RRM2B: variants seen among roughly 807,000 people sequenced by gnomAD.
The protein encoded by RRM2B is ribonucleoside-diphosphate reductase subunit M2 B.
RRM2B carries 20 observed loss-of-function variants against 45.9 expected under a neutral mutation model. That is an observed-to-expected ratio of 0.44 (90% CI 0.31 to 0.63). RRM2B has a LOEUF of 0.63. Ranked by LOEUF, RRM2B falls within the 30% of genes least tolerant of loss-of-function variation. The pLI, the probability that RRM2B is intolerant of heterozygous loss-of-function variation, is 0.09. For synonymous variants in RRM2B, 124 were observed against 132.3 expected (o/e 0.94, Z 0.43); for missense variants, 320 against 414.7 (o/e 0.77, Z 1.98).
chr8:102,214,633 G>A (rs1810694341), intron 6 of RRM2B, among the ~76,000 whole-genome samples: 1 of 149,262 alleles, frequency 6.7e-6, no homozygotes, highest in African/African-American at 2.5e-5. Flanking sequence ...AATGGAAACT[G>A]AGGTGGGGCT....
In RRM2B at chr8:102,214,126, G is replaced by A. The variant is rs1233430077; in HGVS notation, c.717C>T (p.Phe239=). 2 of 1,613,466 alleles carry A rather than the reference G, an allele frequency of 1.2e-6. No individual in the cohort carries two copies. Among genetic ancestry groups the A allele is most frequent in the Admixed American group, 3.3e-5 (2 of 59,990 alleles). Residue 239 remains phenylalanine, a synonymous_variant, in exon 7 of 9, where the codon TTC becomes TTT. Coordinates refer to ENST00000251810, the MANE Select transcript of RRM2B (RefSeq NM_015713.5). ...CTGAAGGCTTATTTACTAAGTATTGGAACATCAGGCAAGCAAAGTCACAGT... is the reference window on the plus strand; with the variant it reads ...CTGAAGGCTTATTTACTAAGTATTGAAACATCAGGCAAGCAAAGTCACAGT... ...GLHCDFACLM[F]QYLVNKPSEE...
chr8:102,233,434 AT>A (rs1039780065), intron 1 of RRM2B, among the ~76,000 whole-genome samples: 12 of 152,278 alleles, frequency 7.9e-5, no homozygotes, highest in Non-Finnish European at 1.8e-4. Context: ...AGAGGAACCA[AT>A]TTTTATTTGT....
In RRM2B at chr8:102,208,067, A is replaced by T; in HGVS notation, c.*66T>A. 1 of 1,414,890 alleles carries T rather than the reference A, an allele frequency of 7.1e-7. No individual in the cohort carries two copies. The highest frequency in any genetic ancestry group is 9.9e-7 in the Non-Finnish European group (1 of 1,013,872). 87.6% of individuals were successfully genotyped at this position (1,414,890 alleles called of 1,614,324 possible). A position where few individuals can be genotyped will look rare whatever the true frequency, so the allele number is the denominator to read the frequency against. ...AAAGGATATACTTAAAATTTTTTTT[A>T]AGCAGAGGAAAATAGACTACTATTT... On this transcript the variant is annotated 3_prime_UTR_variant, in exon 9 of 9. Coordinates refer to ENST00000251810, the MANE Select transcript of RRM2B (RefSeq NM_015713.5).
At chr8:102,215,484 C>G (rs2132546453) in intron 6 of RRM2B, among the ~76,000 whole-genome samples, 1 of 151,762 alleles carries the variant, frequency 6.6e-6, no homozygotes, top group Admixed American at 6.6e-5. Flanking sequence ...TGACAGGTAA[C>G]TTATTACAGA....
At chr8:102,238,708 C>T (rs1418134287) in intron 1 of RRM2B, 119 bp downstream of exon 1, 3 of 1,568,934 alleles carry the variant, frequency 1.9e-6, no homozygotes, top group African/African-American at 1.3e-5. Context: ...GCGGCGAGGG[C>T]GGGCGGACAG....
intron 2 of RRM2B, among the ~76,000 whole-genome samples, chr8:102,228,283 C>G (rs908035876): frequency 2.0e-5 from 3 of 152,198 alleles, no homozygotes; most frequent in African/African-American, 7.2e-5. Flanking sequence ...GACGGCCAGA[C>G]AGACTCCAGG....
intron 2 of RRM2B, among the ~76,000 whole-genome samples, chr8:102,227,157 G>GT (rs547243243): frequency 1.2e-4 from 18 of 149,198 alleles, no homozygotes; most frequent in African/African-American, 2.2e-4. Flanking sequence ...CAACAACCCA[G>GT]TTTTTTTTTT....
In RRM2B at chr8:102,208,285, C is replaced by T; in HGVS notation, c.904G>A (p.Val302Ile). Residue 302 changes from valine (V) to isoleucine (I), a missense_variant and splice_region_variant, in exon 9 of 9, where the codon GTT (valine) becomes ATT (isoleucine). Val to Ile is a conservative substitution (Grantham distance 29). Coordinates refer to ENST00000251810, the MANE Select transcript of RRM2B (RefSeq NM_015713.5). ...TCAAAAGGATTTTCTGCCTGAAAAA[C>T]CTAAAAAGGAAAGAAATATTATTAG... The part of the protein sequence containing the change: ...RLLVELGFSK[V>I]FQAENPFDFM... The T allele has an allele frequency of 6.5e-7, 1 of 1,539,758 alleles. No individual in the cohort carries two copies. The highest frequency in any genetic ancestry group is 9.0e-7 in the Non-Finnish European group (1 of 1,113,572).
At chr8:102,215,247 T>C (rs893571010) in intron 6 of RRM2B, among the ~76,000 whole-genome samples, 4 of 151,430 alleles carry the variant, frequency 2.6e-5, no homozygotes, top group African/African-American at 9.7e-5. Context: ...ACCCCATCTC[T>C]GCAAAAAATA....
At chr8:102,219,506 C>T (rs1041103317) in intron 5 of RRM2B, among the ~76,000 whole-genome samples, 5 of 151,992 alleles carry the variant, frequency 3.3e-5, no homozygotes, top group Non-Finnish European at 7.4e-5. Flanking sequence ...ATAAAATGTC[C>T]CCATAACATA....
chr8:102,208,308 T>C (rs1810578579), intron 8 of RRM2B, 23 bp from the exon 9 acceptor site: 1 of 1,485,320 alleles, frequency 6.7e-7, no homozygotes, highest in African/African-American at 1.4e-5. Flanking sequence ...GAAATATTAT[T>C]AGACATTCTG....
intron 1 of RRM2B, among the ~76,000 whole-genome samples, chr8:102,233,038 CATCAGAAGAGA>C (rs1325170564): frequency 1.3e-5 from 2 of 152,166 alleles, no homozygotes; most frequent in East Asian, 1.9e-4. Context: ...ATAGCGGGAA[CATCAGAAGAGA>C]ATCAGAAGAG....
intron 2 of RRM2B, among the ~76,000 whole-genome samples, chr8:102,226,699 C>A (rs1416306492): frequency 1.3e-5 from 2 of 152,060 alleles, no homozygotes; most frequent in Non-Finnish European, 2.9e-5. Flanking sequence ...GAAGTAATGC[C>A]AGGCAGGTAA....
chr8:102,220,042 C>T (rs892406180), intron 5 of RRM2B, among the ~76,000 whole-genome samples: 2 of 152,122 alleles, frequency 1.3e-5, no homozygotes, highest in African/African-American at 4.8e-5. Context: ...AGTTAGAGAC[C>T]AGCCTGGGCA....
chr8:102,226,995 C>A (rs958346741), intron 2 of RRM2B, among the ~76,000 whole-genome samples: 1 of 151,682 alleles, frequency 6.6e-6, no homozygotes, highest in Non-Finnish European at 1.5e-5. Context: ...ATTACAGGCA[C>A]GAGCCACCAC....
At chr8:102,211,165 A>G (rs1810628856) in intron 8 of RRM2B, among the ~76,000 whole-genome samples, 1 of 152,064 alleles carries the variant, frequency 6.6e-6, no homozygotes, top group Non-Finnish European at 1.5e-5. Flanking sequence ...GCATGCCACC[A>G]GGCCTGGCTA....
intron 6 of RRM2B, among the ~76,000 whole-genome samples, chr8:102,217,364 C>T (rs1810748838): frequency 6.6e-6 from 1 of 151,990 alleles, no homozygotes; most frequent in African/African-American, 2.4e-5. Flanking sequence ...TTTTTATTCT[C>T]TCAATTCTCT....
chr8:102,217,580 T>C (rs1200708227), intron 6 of RRM2B, among the ~76,000 whole-genome samples: 1 of 152,166 alleles, frequency 6.6e-6, no homozygotes, highest in African/African-American at 2.4e-5. Context: ...AGGCAATAAA[T>C]GTTAACTGAA....
intron 8 of RRM2B, among the ~76,000 whole-genome samples, chr8:102,209,230 T>A (rs1810596120): frequency 6.6e-6 from 1 of 151,210 alleles, no homozygotes; most frequent in Non-Finnish European, 1.5e-5. Flanking sequence ...TCACAAGGAG[T>A]AACAAAAGAG....
Sources: gnomAD v4.1 joint callset for allele counts (sites outside exome capture counted in the v4.1 genomes callset) on GRCh38, gnomAD v4.1.1 for gene constraint, MANE v1.5 for transcripts, NCBI Gene and HGNC (gene_info 2026-07-23, HGNC 2026-07-21) for gene names.